ZNF558: variants seen among roughly 807,000 people sequenced by gnomAD.
The protein encoded by ZNF558 is zinc finger protein 558.
Under a neutral mutation model 37.6 loss-of-function variants are expected in ZNF558, and 23 were observed. The observed-to-expected ratio is 0.61, with a 90% CI of 0.44 to 0.87. The LOEUF is 0.87. Among genes scored for constraint, ZNF558 ranks in the 40% least tolerant of loss-of-function variants. The probability of loss-of-function intolerance (pLI) is 0.00; values close to 1 mark genes in which losing one functional copy is unlikely to be tolerated. For missense variants in ZNF558, 429 were observed against 483.7 expected (o/e 0.89, Z 1.06); for synonymous variants, 189 against 174.4 (o/e 1.08, Z -0.66).
At chr19:8,814,162 A>G (rs556993435) in intron 7 of ZNF558, among the ~76,000 whole-genome samples, 2 of 152,308 alleles carry the variant, frequency 1.3e-5, no homozygotes, top group African/African-American at 2.4e-5. Flanking sequence ...TGGGTAAGAG[A>G]GCTTTATGAT....
At chr19:8,836,844 C>T (rs1298668933), upstream of ZNF558, among the ~76,000 whole-genome samples, 1 of 152,122 alleles carries the variant, frequency 6.6e-6, no homozygotes, top group East Asian at 1.9e-4. Context: ...GCAAAACAAA[C>T]TGGGGATAAA....
chr19:8,827,501 T>C (rs2044257742), intron 2 of ZNF558, among the ~76,000 whole-genome samples: 1 of 151,486 alleles, frequency 6.6e-6, no homozygotes, highest in African/African-American at 2.4e-5. Flanking sequence ...GAGAACAGAG[T>C]CTGAAGTGAG....
chr19:8,830,067 G>C (rs916269954), intron 2 of ZNF558, among the ~76,000 whole-genome samples: 2 of 152,108 alleles, frequency 1.3e-5, no homozygotes, highest in African/African-American at 4.8e-5. Context: ...ACTGAATCAT[G>C]GGGGCGGACT....
chr19:8,821,695 T>C, intron 6 of ZNF558: 1 of 1,305,124 alleles, frequency 7.7e-7, no homozygotes, highest in Non-Finnish European at 9.8e-7. Flanking sequence ...GGTAAGTGAA[T>C]GACTGATTTC....
Position 8,811,142 on chromosome 19 carries a change from C to T in ZNF558, c.*139G>A, listed in dbSNP as rs1555767676. The T allele has an allele frequency of 9.2e-6, 7 of 761,808 alleles. No homozygotes were observed. The highest frequency in any genetic ancestry group is 3.5e-5 in the African/African-American group (2 of 56,720). The allele number at this position is 761,808 out of a possible 1,614,324, so 47.2% of individuals were successfully genotyped here. ...AGAAATTGTTAGAGAATAAACATTT[C>T]GTGTTTGAAGCCACAAAATTTGCGG... On this transcript the variant is annotated 3_prime_UTR_variant, in exon 10 of 10. Coordinates refer to ENST00000601372, the MANE Select transcript of ZNF558 (RefSeq NM_144693.3).
rs1348147318 is a variant in ZNF558 at position 8,809,717 on chromosome 19, A to C, written c.*1564T>G. The C allele has an allele frequency of 2.0e-5, 3 of 152,214 alleles. No individual in the cohort carries two copies. The highest frequency in any genetic ancestry group is 4.4e-5 in the Non-Finnish European group (3 of 68,034). The allele number at this position is 152,214 out of a possible 1,614,324, so 9.4% of individuals were successfully genotyped here. ...AAATACATTGCATTAAAATTATGAA[A>C]TATGTTAATGTTTATTTTAGGGAAC... On this transcript the variant is annotated 3_prime_UTR_variant, in exon 10 of 10. Transcript: ENST00000601372.
At chr19:8,832,689 G>T (rs980803676), upstream of ZNF558, among the ~76,000 whole-genome samples, 2 of 152,070 alleles carry the variant, frequency 1.3e-5, no homozygotes, top group Non-Finnish European at 2.9e-5. Context: ...CCAGTTCCAG[G>T]GTCGGGGCTG....
chr19:8,827,714 C>T (rs1363586516), intron 2 of ZNF558, among the ~76,000 whole-genome samples: 1 of 151,710 alleles, frequency 6.6e-6, no homozygotes, highest in African/African-American at 2.4e-5. Flanking sequence ...GCTGGGACTA[C>T]AGGTGTGCAC....
rs2967730 is a variant in ZNF558, at chr19:8,824,153, T to C, written c.-137A>G. 0.92 allele frequency: 139,750 copies of C among 152,290 alleles called. 64,221 individuals are homozygous for C. Among genetic ancestry groups the C allele is most frequent in the African/African-American group, 0.98 (40,533 of 41,534 alleles). 9.4% of individuals were successfully genotyped at this position (152,290 alleles called of 1,614,324 possible). On this transcript the variant is annotated 5_prime_UTR_variant, in exon 4 of 10. Coordinates refer to ENST00000601372, the MANE Select transcript of ZNF558 (RefSeq NM_144693.3). ...CAGGGGTGACTTTCAGGACCAGGTC[T>C]TGGAAGGCACTACAGCTGCTTCCGC... is the stretch of plus-strand genomic sequence containing the variant.
At chr19:8,828,181 G>A (rs2145300505) in intron 2 of ZNF558, among the ~76,000 whole-genome samples, 1 of 152,296 alleles carries the variant, frequency 6.6e-6, no homozygotes, top group East Asian at 1.9e-4. Context: ...AGTAAATATG[G>A]AACTTGTTAA....
Position 8,819,207 on chromosome 19 carries a change from C to T in ZNF558, c.247+1973G>A, listed in dbSNP as rs111361079. Among the ~76,000 whole-genome samples the T allele has an allele frequency of 3.8e-3, 581 of 152,306 alleles. 7 individuals carry two copies. The highest frequency in any genetic ancestry group is 0.013 in the African/African-American group (550 of 41,562). On this transcript the variant is annotated intron_variant, in intron 7 of 9. Coordinates refer to ENST00000601372, the MANE Select transcript of ZNF558 (RefSeq NM_144693.3). Reference sequence around the variant, plus strand: ...TTAAAATTTTTTTTGTCTTCTGAGACGGAGTCTCGTTCTGTCGCCTAGGCT... The same window carrying T: ...TTAAAATTTTTTTTGTCTTCTGAGATGGAGTCTCGTTCTGTCGCCTAGGCT...
chr19:8,836,447 C>G (rs1213563749), upstream of ZNF558, among the ~76,000 whole-genome samples: 1 of 150,784 alleles, frequency 6.6e-6, no homozygotes, highest in Non-Finnish European at 1.5e-5. Flanking sequence ...TCCTTCTTCT[C>G]TTCCTTTTCC....
At chr19:8,836,223 T>A (rs2967737), upstream of ZNF558, among the ~76,000 whole-genome samples, 135,094 of 152,226 alleles carry the variant, frequency 0.89, 59,979 homozygotes, top group Middle Eastern at 0.94. Flanking sequence ...CAGTTAGGCA[T>A]AATAAGAGAA....
In ZNF558 at chr19:8,807,717, AC is replaced by A. The variant is rs1337557291; in HGVS notation, c.*3563del. 1 of 151,408 alleles carries A rather than the reference AC, an allele frequency of 6.6e-6. No individual in the cohort carries two copies. The highest frequency in any genetic ancestry group is 6.6e-5 in the Admixed American group (1 of 15,182). 9.4% of individuals were successfully genotyped at this position (151,408 alleles called of 1,614,324 possible). ...TAGTTATATAAAATTATTATTCCCAACCCCCCTTAACTCTCCTAAAATGCTT... is the reference window on the plus strand; with the variant it reads ...TAGTTATATAAAATTATTATTCCCAACCCCCTTAACTCTCCTAAAATGCTT... On this transcript the variant is annotated 3_prime_UTR_variant, in exon 10 of 10. Coordinates refer to ENST00000601372, the MANE Select transcript of ZNF558 (RefSeq NM_144693.3).
rs1222325722 is a variant in ZNF558, at chr19:8,807,110, T to A, written c.*4171A>T. The A allele has an allele frequency of 1.3e-5, 2 of 152,250 alleles. No homozygotes were observed. The highest frequency in any genetic ancestry group is 3.8e-4 in the East Asian group (2 of 5,200). The allele number at this position is 152,250 out of a possible 1,614,324, so 9.4% of individuals were successfully genotyped here. A position where few individuals can be genotyped will look rare whatever the true frequency, so the allele number is the denominator to read the frequency against. On this transcript the variant is annotated 3_prime_UTR_variant, in exon 10 of 10. Transcript: ENST00000601372. ...TCATAAATGGGGATATTTTCCTGTC[T>A]CAATGGATGAAGGAGAGTGAGGTCT...
chr19:8,812,449 C>A (rs2043819169), intron 9 of ZNF558, 112 bp downstream of exon 9: 1 of 654,214 alleles, frequency 1.5e-6, no homozygotes, highest in African/African-American at 1.9e-5. Flanking sequence ...ACAGCATTCT[C>A]AATTATAAAT....
intron 7 of ZNF558, among the ~76,000 whole-genome samples, chr19:8,816,093 G>T (rs1365375854): frequency 6.6e-6 from 1 of 151,882 alleles, no homozygotes; most frequent in Non-Finnish European, 1.5e-5. Context: ...TTGAGCCAGG[G>T]TTTTATTCTG....
intron 2 of ZNF558, among the ~76,000 whole-genome samples, chr19:8,827,635 G>A (rs538500935): frequency 2.1e-4 from 30 of 144,780 alleles, no homozygotes; most frequent in African/African-American, 5.2e-4. Flanking sequence ...ATGCAGTGGT[G>A]CAATCTCTGC....
intron 2 of ZNF558, among the ~76,000 whole-genome samples, chr19:8,825,409 C>T (rs887184795): frequency 5.3e-5 from 8 of 151,352 alleles, no homozygotes; most frequent in Non-Finnish European, 1.0e-4. Context: ...TAATAAATAA[C>T]AAAGAAACAT....
Sources: gnomAD v4.1 joint callset for allele counts (sites outside exome capture counted in the v4.1 genomes callset) on GRCh38, gnomAD v4.1.1 for gene constraint, MANE v1.5 for transcripts, NCBI Gene and HGNC (gene_info 2026-07-23, HGNC 2026-07-21) for gene names.